MVB12B: variants seen among roughly 807,000 people sequenced by gnomAD.
MVB12B encodes multivesicular body subunit 12B.
In MVB12B, 16 loss-of-function variants were observed where a neutral mutation model predicts 41.6. The observed-to-expected ratio is 0.38, with a 90% confidence interval of 0.26 to 0.58. The LOEUF is 0.58. MVB12B is among the 20% of genes least tolerant of loss of function. The pLI, the probability that MVB12B is intolerant of heterozygous loss-of-function variation, is 0.62. For synonymous variants in MVB12B, 133 were observed against 139.7 expected, an observed-to-expected ratio of 0.95 and a Z score of 0.34; for missense variants, 274 against 380.2, an observed-to-expected ratio of 0.72 and a Z score of 2.32.
At position 126,468,440 on chromosome 9, in the gene MVB12B, G is replaced by T. The variant is rs760595209; in HGVS notation, c.758-12929G>T. On this transcript the variant is annotated intron_variant, in intron 7 of 9. Coordinates refer to ENST00000361171, the MANE Select transcript of MVB12B (RefSeq NM_033446.3). The surrounding 1 kb of genome is among the most constrained non-coding windows in gnomAD (Gnocchi z 4.3). Reference sequence around the variant, plus strand: ...ACGAGTTCATCTCTGCTGCTTTTCCGCTGGCCCCCACGCCCCGTCAGTACC... The same window carrying T: ...ACGAGTTCATCTCTGCTGCTTTTCCTCTGGCCCCCACGCCCCGTCAGTACC... Among the ~76,000 whole-genome samples the T allele has an allele frequency of 1.3e-5, 2 of 152,094 alleles. No homozygotes were observed. The highest frequency in any genetic ancestry group is 3.9e-4 in the East Asian group (2 of 5,188).
rs1425669308 is a variant in MVB12B, at chr9:126,504,683, TCCAGGCC to T, written c.*1428_*1434del. 8 of 152,784 alleles carry T rather than the reference TCCAGGCC, an allele frequency of 5.2e-5. No individual in the cohort carries two copies. The highest frequency in any genetic ancestry group is 1.0e-4 in the Non-Finnish European group (7 of 68,208). The allele number at this position is 152,784 out of a possible 1,614,324, so 9.5% of individuals were successfully genotyped here. On this transcript the variant is annotated 3_prime_UTR_variant, in exon 10 of 10. Coordinates refer to ENST00000361171, the MANE Select transcript of MVB12B (RefSeq NM_033446.3). ...ATGCCCCTGCACCAGCCCCTCCGTC[TCCAGGCC>T]CCAGGCCTCTTTGTGGACCCATCTT...
At chr9:126,479,328 A>T (rs1372540211) in intron 7 of MVB12B, among the ~76,000 whole-genome samples, 2 of 152,148 alleles carry the variant, frequency 1.3e-5, no homozygotes, top group Non-Finnish European at 2.9e-5. Context: ...GGTCAGGCAG[A>T]TGGTGGTGGG....
At chr9:126,360,135 C>T (rs1027445811) in intron 2 of MVB12B, among the ~76,000 whole-genome samples, 1 of 152,114 alleles carries the variant, frequency 6.6e-6, no homozygotes, top group African/African-American at 2.4e-5. Flanking sequence ...ATTTTAATTC[C>T]ATTCACAATG....
At chr9:126,335,403 AG>A in intron 1 of MVB12B, 1 of 1,304,248 alleles carries the variant, frequency 7.7e-7, no homozygotes, top group Non-Finnish European at 1.0e-6. Flanking sequence ...CAGCCTTCTG[AG>A]GAGGTAGGTC....
chr9:126,330,134 A>C (rs1250795318), intron 1 of MVB12B, among the ~76,000 whole-genome samples: 1 of 152,092 alleles, frequency 6.6e-6, no homozygotes, highest in Admixed American at 6.5e-5. Context: ...TTTACTTGAC[A>C]CGCTTCTGGC....
intron 2 of MVB12B, among the ~76,000 whole-genome samples, chr9:126,365,909 A>G (rs1176254867): frequency 1.3e-5 from 2 of 152,200 alleles, no homozygotes; most frequent in Admixed American, 6.5e-5. Context: ...ACAGACCCAG[A>G]CTGAAGGATT....
Position 126,473,690 on chromosome 9 carries a change from A to G in MVB12B, c.758-7679A>G, listed in dbSNP as rs1833367349. Among the ~76,000 whole-genome samples the G allele has an allele frequency of 6.6e-6, 1 of 152,196 alleles. No individual in the cohort carries two copies. Among genetic ancestry groups the G allele is most frequent in the African/African-American group, 2.4e-5 (1 of 41,458 alleles). The stretch of plus-strand genomic sequence containing the variant: ...CACTCGCTATCACAAGGACAGCACC[A>G]CGGGGAAGCTGCTAAACCATCCACA... On this transcript the variant is annotated intron_variant, in intron 7 of 9. Transcript: ENST00000361171. The surrounding 1 kb of genome is among the most constrained non-coding windows in gnomAD (Gnocchi z 4.0).
chr9:126,348,655 A>T (rs1829663789), intron 2 of MVB12B, among the ~76,000 whole-genome samples: 1 of 152,234 alleles, frequency 6.6e-6, no homozygotes, highest in Admixed American at 6.5e-5. Context: ...CTATTTAAAA[A>T]GCCTTCTAAT....
At chr9:126,414,899 G>T (rs1831766514) in intron 6 of MVB12B, among the ~76,000 whole-genome samples, 2 of 151,590 alleles carry the variant, frequency 1.3e-5, no homozygotes, top group Admixed American at 1.3e-4. Flanking sequence ...TTGTTTGTTT[G>T]TTTGTTTTTT....
chr9:126,418,089 A>G (rs1831877927), intron 6 of MVB12B, among the ~76,000 whole-genome samples: 2 of 151,668 alleles, frequency 1.3e-5, no homozygotes. Context: ...GTAAGTGTAC[A>G]GAGTGAGAAG....
chr9:126,381,006 G>C (rs1038564744), intron 2 of MVB12B, 58 bp from the exon 3 acceptor site: 6 of 1,388,182 alleles, frequency 4.3e-6, no homozygotes, highest in Non-Finnish European at 6.1e-6. Flanking sequence ...TGGCCCACGC[G>C]CACCTTCAGT....
intron 1 of MVB12B, among the ~76,000 whole-genome samples, chr9:126,336,750 G>GCACACACACA (rs1306839743): frequency 3.0e-5 from 1 of 33,614 alleles, no homozygotes; most frequent in Middle Eastern, 0.012. Flanking sequence ...GTTTGTGTGT[G>GCACACACACA]CACGCACACA....
intron 9 of MVB12B, among the ~76,000 whole-genome samples, chr9:126,497,577 CCCAGCTACAGGG>C (rs1378398247): frequency 6.6e-6 from 1 of 152,146 alleles, no homozygotes; most frequent in African/African-American, 2.4e-5. Context: ...GAGCTCCAGG[CCCAGCTACAGGG>C]CCTCGCTTTC....
intron 8 of MVB12B, among the ~76,000 whole-genome samples, chr9:126,482,012 A>G (rs1833533491): frequency 6.6e-6 from 1 of 152,216 alleles, no homozygotes; most frequent in Non-Finnish European, 1.5e-5. Context: ...CATCCACATC[A>G]GCACTCTCAC....
At chr9:126,390,070 C>T (rs1431359549) in intron 4 of MVB12B, among the ~76,000 whole-genome samples, 4 of 152,224 alleles carry the variant, frequency 2.6e-5, no homozygotes, top group African/African-American at 4.8e-5. Flanking sequence ...TGTACTTCCC[C>T]TCATTCTGTT....
At chr9:126,448,089 C>G (rs1195152787) in intron 7 of MVB12B, 1 of 152,548 alleles carries the variant, frequency 6.6e-6, no homozygotes, top group Non-Finnish European at 1.5e-5. Context: ...CAAAGAGAGC[C>G]CTCCTGTTCC....
rs368979794 is a variant in MVB12B at position 126,360,252 on chromosome 9, G to C, written c.204+19622G>C. Among the ~76,000 whole-genome samples the C allele has an allele frequency of 4.6e-5, 7 of 152,220 alleles. No homozygotes were observed. The South Asian group carries it at 1.5e-3, about 32-fold the overall frequency. On this transcript the variant is annotated intron_variant, in intron 2 of 9. Transcript: ENST00000361171. ...CTTCTAGATATGTTTCTGTTACTAA[G>C]AATATATTCCGTGTGGTCAGAGAAC...
In MVB12B at chr9:126,326,978, C is replaced by T; in HGVS notation, c.49C>T (p.Gln17Ter). Residue 17 changes from glutamine to a stop codon, truncating the protein, a stop_gained, in exon 1 of 10, where the codon CAG becomes TAG. Coordinates refer to ENST00000361171, the MANE Select transcript of MVB12B (RefSeq NM_033446.3). LOFTEE classifies it high-confidence loss of function. ...ACGGAGCCGGGACCCGCCGCCGCCG[C>T]AGCCACCGCCGCCGCCGCCCCAGCG... ...VRRSRDPPPP[Q>*]PPPPPPQRGT... 1 of 258,318 alleles carries T rather than the reference C, an allele frequency of 3.9e-6. No homozygotes were observed. The highest frequency in any genetic ancestry group is 7.7e-6 in the Non-Finnish European group (1 of 129,124). 16.0% of individuals were successfully genotyped at this position (258,318 alleles called of 1,614,324 possible).
rs182312138 is a variant in MVB12B at position 126,480,181 on chromosome 9, G to A, written c.758-1188G>A. Among the ~76,000 whole-genome samples the A allele has an allele frequency of 1.3e-3, 193 of 152,278 alleles. 3 individuals carry two copies. The highest frequency in any genetic ancestry group is 0.012 in the Admixed American group (185 of 15,302). On this transcript the variant is annotated intron_variant, in intron 7 of 9. Coordinates refer to ENST00000361171, the MANE Select transcript of MVB12B (RefSeq NM_033446.3). The surrounding 1 kb of genome is among the most constrained non-coding windows in gnomAD (Gnocchi z 4.9). ...AATTTACTGCATAGCCACCACCTCAGGGTGCGGCCACCCCTGACTTCGGGG... is the reference window on the plus strand; with the variant it reads ...AATTTACTGCATAGCCACCACCTCAAGGTGCGGCCACCCCTGACTTCGGGG...
Sources: gnomAD v4.1 joint callset for allele counts (sites outside exome capture counted in the v4.1 genomes callset) on GRCh38, gnomAD v4.1.1 for gene constraint, Gnocchi (gnomAD v3.1) non-coding constraint, MANE v1.5 for transcripts, NCBI Gene and HGNC (gene_info 2026-07-23, HGNC 2026-07-21) for gene names.